INSYN2B: variants seen among roughly 807,000 people sequenced by gnomAD.
INSYN2B encodes protein INSYN2B.
In INSYN2B, 16 loss-of-function variants were observed where a neutral mutation model predicts 41.2. The ratio of observed to expected loss-of-function variants is 0.39; its 90% CI spans 0.26 to 0.59. INSYN2B has a LOEUF of 0.59. Ranked by LOEUF, INSYN2B falls within the 20% of genes least tolerant of loss-of-function variation. The pLI is 0.57. For missense variants in INSYN2B, 608 were observed against 646.4 expected, an observed-to-expected ratio of 0.94 and a Z score of 0.64; for synonymous variants, 245 against 244.4, an observed-to-expected ratio of 1.00 and a Z score of -0.02.
chr5:169,863,428 G>C lies in INSYN2B; in HGVS notation c.*845C>G, dbSNP rs1771329904. On this transcript the variant is annotated 3_prime_UTR_variant, in exon 4 of 4. Coordinates refer to ENST00000377365, the MANE Select transcript of INSYN2B (RefSeq NM_001129891.3). ...GCTGGATCTCATGATTTTAAATATTGCAGGTAAGTTAACTATGGAGTCTTA... is the reference window on the plus strand; with the variant it reads ...GCTGGATCTCATGATTTTAAATATTCCAGGTAAGTTAACTATGGAGTCTTA... Among the ~76,000 whole-genome samples the C allele has an allele frequency of 6.6e-6, 1 of 152,194 alleles. No homozygotes were observed. Among genetic ancestry groups the C allele is most frequent in the African/African-American group, 2.4e-5 (1 of 41,438 alleles).
At chr5:169,929,847 TCTTGTTTTGTGCTC>T (rs1321866057) in intron 1 of INSYN2B, among the ~76,000 whole-genome samples, 8 of 151,740 alleles carry the variant, frequency 5.3e-5, no homozygotes, top group Admixed American at 2.6e-4. Context: ...AGGATAGAAA[TCTTGTTTTGTGCTC>T]CTTGTTTTGT....
intron 1 of INSYN2B, among the ~76,000 whole-genome samples, chr5:169,968,596 G>T (rs540463448): frequency 6.6e-6 from 1 of 152,300 alleles, no homozygotes; most frequent in Non-Finnish European, 1.5e-5. Flanking sequence ...TTGTGAGATG[G>T]TTTTTGTTTT....
At chr5:169,905,932 G>A (rs1432629815) in intron 1 of INSYN2B, among the ~76,000 whole-genome samples, 2 of 152,208 alleles carry the variant, frequency 1.3e-5, no homozygotes, top group African/African-American at 2.4e-5. Context: ...GAACCTGACT[G>A]TATCTAAAAT....
intron 1 of INSYN2B, among the ~76,000 whole-genome samples, chr5:169,912,298 C>T (rs927300890): frequency 7.2e-5 from 11 of 151,944 alleles, no homozygotes; most frequent in African/African-American, 2.7e-4. Context: ...GAGCCCAAGC[C>T]GTTATTTATG....
chr5:169,944,269 A>C (rs1204285498), intron 1 of INSYN2B, among the ~76,000 whole-genome samples: 1 of 152,192 alleles, frequency 6.6e-6, no homozygotes, highest in African/African-American at 2.4e-5. Context: ...TGACCTGCCC[A>C]TGCACAGAGG....
chr5:169,912,119 A>T (rs552792977), intron 1 of INSYN2B, among the ~76,000 whole-genome samples: 2 of 152,314 alleles, frequency 1.3e-5, no homozygotes, highest in South Asian at 4.1e-4. Flanking sequence ...TGGTGATACA[A>T]GGGACCCTGG....
intron 1 of INSYN2B, among the ~76,000 whole-genome samples, chr5:169,914,456 G>T (rs1475726124): frequency 6.6e-6 from 1 of 152,168 alleles, no homozygotes; most frequent in African/African-American, 2.4e-5. Context: ...TGTTTTATGG[G>T]GCTTTCAGTT....
At chr5:169,898,283 G>A (rs571833920) in intron 1 of INSYN2B, among the ~76,000 whole-genome samples, 4 of 152,128 alleles carry the variant, frequency 2.6e-5, no homozygotes, top group African/African-American at 2.4e-5. Context: ...CTCCGCTTGG[G>A]AAGGGCCATA....
At chr5:169,969,605 C>T (rs73327836) in intron 1 of INSYN2B, among the ~76,000 whole-genome samples, 123 of 152,290 alleles carry the variant, frequency 8.1e-4, no homozygotes, top group South Asian at 3.3e-3. Flanking sequence ...TGCCATTCTG[C>T]GGAGGCATTC....
chr5:169,975,566 T>C (rs984060941), intron 1 of INSYN2B, among the ~76,000 whole-genome samples: 6 of 152,208 alleles, frequency 3.9e-5, no homozygotes, highest in African/African-American at 1.2e-4. Flanking sequence ...TCGGGGCCTT[T>C]GCATCTACTG....
At chr5:169,881,298 T>C in intron 3 of INSYN2B, 70 bp downstream of exon 3, 1 of 1,299,230 alleles carries the variant, frequency 7.7e-7, no homozygotes, top group Non-Finnish European at 1.1e-6. Flanking sequence ...CATTTAAAAG[T>C]TTGCTAGAGT....
At chr5:169,888,763 A>C (rs544564698) in intron 1 of INSYN2B, among the ~76,000 whole-genome samples, 1 of 152,328 alleles carries the variant, frequency 6.6e-6, no homozygotes, top group East Asian at 1.9e-4. Flanking sequence ...GAAATAATCT[A>C]TATGAAATGG....
At chr5:169,905,169 C>A (rs762685690) in intron 1 of INSYN2B, among the ~76,000 whole-genome samples, 1 of 152,094 alleles carries the variant, frequency 6.6e-6, no homozygotes, top group Non-Finnish European at 1.5e-5. Context: ...CAGGGTGACA[C>A]AAGTGGGTGA....
intron 1 of INSYN2B, among the ~76,000 whole-genome samples, chr5:169,970,829 C>T (rs551691015): frequency 1.3e-5 from 2 of 152,178 alleles, no homozygotes; most frequent in Non-Finnish European, 2.9e-5. Context: ...TGGGCTCCAC[C>T]AGGCCAGCTC....
At chr5:169,950,293 C>A (rs995238292) in intron 1 of INSYN2B, among the ~76,000 whole-genome samples, 1 of 152,224 alleles carries the variant, frequency 6.6e-6, no homozygotes, top group Non-Finnish European at 1.5e-5. Flanking sequence ...AGAGAACAAG[C>A]AGACCTTCCT....
chr5:169,931,559 C>T lies in INSYN2B; in HGVS notation c.-918-46743G>A, dbSNP rs150853731. On this transcript the variant is annotated intron_variant, in intron 1 of 3. Transcript: ENST00000377365. Reference sequence around the variant, plus strand: ...TTTGGGGTGGGAGGTCAGACCAATTCGGGTTTTAATTTCATTTCAGTTACT... The same window carrying T: ...TTTGGGGTGGGAGGTCAGACCAATTTGGGTTTTAATTTCATTTCAGTTACT... Among the ~76,000 whole-genome samples, 462 of 152,266 alleles carry T rather than the reference C, an allele frequency of 3.0e-3. 6 individuals carry two copies. The highest frequency in any genetic ancestry group is 1.7e-3 in the Non-Finnish European group (119 of 68,018).
At chr5:169,972,658 T>C (rs1777564740) in intron 1 of INSYN2B, among the ~76,000 whole-genome samples, 1 of 151,120 alleles carries the variant, frequency 6.6e-6, no homozygotes, top group Non-Finnish European at 1.5e-5. Context: ...CCCCTGTTAG[T>C]CTGAGACCTT....
chr5:169,904,637 G>A (rs1207829376), intron 1 of INSYN2B, among the ~76,000 whole-genome samples: 2 of 152,170 alleles, frequency 1.3e-5, no homozygotes, highest in Non-Finnish European at 2.9e-5. Context: ...TCTCCCCCTA[G>A]TGAGGGCCCC....
chr5:169,882,076 C>T (rs261074), intron 2 of INSYN2B, among the ~76,000 whole-genome samples: 28,839 of 152,016 alleles, frequency 0.19, 4,357 homozygotes, highest in African/African-American at 0.42. Context: ...TGGGCCAGCC[C>T]GTCATCAAAG....
Sources: gnomAD v4.1 joint callset for allele counts (sites outside exome capture counted in the v4.1 genomes callset) on GRCh38, gnomAD v4.1.1 for gene constraint, MANE v1.5 for transcripts, NCBI Gene and HGNC (gene_info 2026-07-23, HGNC 2026-07-21) for gene names.